RERE: variants seen among roughly 807,000 people sequenced by gnomAD.
RERE encodes the protein arginine-glutamic acid dipeptide repeats protein.
In RERE, 40 loss-of-function variants were observed where a neutral mutation model predicts 146.1. The observed-to-expected ratio is 0.27, with a 90% CI of 0.21 to 0.36. The LOEUF is 0.36. Among genes scored for constraint, RERE ranks in the 10% least tolerant of loss-of-function variants. The pLI, the probability that RERE is intolerant of heterozygous loss-of-function variation, is 1.00. For missense variants in RERE, 1,933 were observed against 2,138.7 expected (o/e 0.90, Z 1.90); for synonymous variants, 1,003 against 866.0 (o/e 1.16, Z -2.78).
chr1:8,471,991 T>G (rs2124150982), intron 10 of RERE, among the ~76,000 whole-genome samples: 1 of 152,282 alleles, frequency 6.6e-6, no homozygotes, highest in African/African-American at 2.4e-5. Flanking sequence ...TTTGTATTTT[T>G]AGTAGAGATG....
rs114102887 is a variant in RERE at position 8,622,680 on chromosome 1, A to T, written c.396+1630T>A. ...GTTAAAAGCCGCTTATCAAGAATAG[A>T]TCCATCTTAGAAGTAAATAGCACAT... is the stretch of plus-strand genomic sequence containing the variant. On this transcript the variant is annotated intron_variant, in intron 3 of 22. Coordinates refer to ENST00000400908, the MANE Select transcript of RERE (RefSeq NM_001042681.2). 4.1e-3 allele frequency among the ~76,000 whole-genome samples: 623 copies of T among 152,286 alleles called. 5 individuals carry two copies. The highest frequency in any genetic ancestry group is 0.014 in the African/African-American group (597 of 41,552).
intron 7 of RERE, among the ~76,000 whole-genome samples, chr1:8,539,682 CGT>C (rs1301413583): frequency 6.6e-6 from 1 of 152,156 alleles, no homozygotes; most frequent in African/African-American, 2.4e-5. Context: ...GGATTACAGG[CGT>C]GACCCACCTA....
At chr1:8,427,263 C>A (rs301797) in intron 11 of RERE, among the ~76,000 whole-genome samples, 44,483 of 151,906 alleles carry the variant, frequency 0.29, 6,862 homozygotes, top group Non-Finnish European at 0.32. Context: ...ACAGAGCTGA[C>A]CTCTTGCTCC....
intron 1 of RERE, among the ~76,000 whole-genome samples, chr1:8,706,816 C>T (rs924899759): frequency 6.6e-6 from 1 of 152,064 alleles, no homozygotes. Flanking sequence ...TTTGTTTTAA[C>T]CCTCATTAGT....
intron 1 of RERE, among the ~76,000 whole-genome samples, chr1:8,680,807 T>C (rs1039886162): frequency 1.3e-5 from 2 of 152,156 alleles, no homozygotes; most frequent in African/African-American, 2.4e-5. Flanking sequence ...CCTTTCACAG[T>C]TCACATTCAG....
Position 8,377,182 on chromosome 1 carries a change from G to A in RERE, c.1285-11208C>T, listed in dbSNP as rs182753411. Among the ~76,000 whole-genome samples, 435 of 152,332 alleles carry A rather than the reference G, an allele frequency of 2.9e-3. 3 individuals are homozygous for A. The highest frequency in any genetic ancestry group is 1.0e-2 in the African/African-American group (415 of 41,576). On this transcript the variant is annotated intron_variant, in intron 12 of 22. Coordinates refer to ENST00000400908, the MANE Select transcript of RERE (RefSeq NM_001042681.2). ...TCAGGCTGAACTGAAAGACTCCCACGACATGAGGGGAATCACCCCGGCCTC... is the reference window on the plus strand; with the variant it reads ...TCAGGCTGAACTGAAAGACTCCCACAACATGAGGGGAATCACCCCGGCCTC...
At chr1:8,551,150 A>AC (rs199600847) in intron 6 of RERE, among the ~76,000 whole-genome samples, 3,196 of 152,222 alleles carry the variant, frequency 0.021, 116 homozygotes, top group African/African-American at 0.074. Context: ...GACTCCTCCA[A>AC]ATAGGAAGCA....
chr1:8,470,191 C>G (rs145081892), intron 10 of RERE, among the ~76,000 whole-genome samples: 2 of 152,230 alleles, frequency 1.3e-5, no homozygotes, highest in East Asian at 1.9e-4. Context: ...AGAGTCCCTA[C>G]CCGTCCTCAC....
intron 11 of RERE, among the ~76,000 whole-genome samples, chr1:8,456,768 T>C (rs1644458046): frequency 6.6e-6 from 1 of 152,198 alleles, no homozygotes; most frequent in Non-Finnish European, 1.5e-5. Flanking sequence ...ACTGTTTCCT[T>C]GGCCCAGAAT....
intron 1 of RERE, among the ~76,000 whole-genome samples, chr1:8,703,729 C>G (rs937107031): frequency 2.6e-5 from 4 of 152,194 alleles, no homozygotes; most frequent in Admixed American, 6.5e-5. Context: ...TTCACACATC[C>G]TAGAGCTGCC....
At chr1:8,572,824 C>G (rs1381478704) in intron 4 of RERE, among the ~76,000 whole-genome samples, 1 of 152,156 alleles carries the variant, frequency 6.6e-6, no homozygotes, top group Non-Finnish European at 1.5e-5. Context: ...TGAAATCTGC[C>G]ACTTAGTAAC....
intron 1 of RERE, among the ~76,000 whole-genome samples, chr1:8,770,770 C>G (rs1027606668): frequency 6.6e-6 from 1 of 152,170 alleles, no homozygotes; most frequent in Admixed American, 6.5e-5. Context: ...ATCAGTAACT[C>G]TATTTTTAGG....
chr1:8,640,941 T>C (rs1476049614), intron 2 of RERE, among the ~76,000 whole-genome samples: 4 of 152,236 alleles, frequency 2.6e-5, no homozygotes, highest in African/African-American at 7.2e-5. Context: ...TGCACAGCCA[T>C]CTATTCTGCA....
intron 12 of RERE, among the ~76,000 whole-genome samples, chr1:8,383,183 G>A (rs1348516101): frequency 6.6e-6 from 1 of 151,734 alleles, no homozygotes; most frequent in Non-Finnish European, 1.5e-5. Context: ...GATAAGCGCT[G>A]GTCAAGGAGA....
At chr1:8,592,572 T>TA (rs1435442248) in intron 4 of RERE, among the ~76,000 whole-genome samples, 2 of 150,440 alleles carry the variant, frequency 1.3e-5, no homozygotes, top group Admixed American at 6.6e-5. Flanking sequence ...GCATCCAGCC[T>TA]AAAAAAAAAT....
At chr1:8,586,857 C>T (rs1188227982) in intron 4 of RERE, among the ~76,000 whole-genome samples, 2 of 152,086 alleles carry the variant, frequency 1.3e-5, no homozygotes, top group African/African-American at 4.8e-5. Flanking sequence ...CAGGATCCCA[C>T]AAAAGGAAGA....
intron 4 of RERE, among the ~76,000 whole-genome samples, chr1:8,562,428 A>C (rs759015201): frequency 6.6e-6 from 1 of 152,188 alleles, no homozygotes; most frequent in Non-Finnish European, 1.5e-5. Context: ...CCTAGGGTGT[A>C]CTTCTGAATA....
chr1:8,517,333 AG>A (rs1308567535), intron 7 of RERE, among the ~76,000 whole-genome samples: 1 of 152,196 alleles, frequency 6.6e-6, no homozygotes, highest in Non-Finnish European at 1.5e-5. Flanking sequence ...CTGAAGAAAG[AG>A]GGCCACAGCT....
intron 4 of RERE, among the ~76,000 whole-genome samples, chr1:8,605,660 A>T (rs1182039265): frequency 6.7e-6 from 1 of 148,474 alleles, no homozygotes; most frequent in East Asian, 2.0e-4. Flanking sequence ...GAGGCAGGAG[A>T]ATCACCTGAA....
Sources: allele counts gnomAD v4.1 joint callset (sites outside exome capture counted in the v4.1 genomes callset), GRCh38; gene constraint gnomAD v4.1.1; transcripts MANE v1.5; gene names NCBI Gene and HGNC (gene_info 2026-07-23, HGNC 2026-07-21).